Variants in ATXN7L1 observed in about 807,000 individuals in gnomAD.
ATXN7L1 encodes ataxin 7 like 1.
ATXN7L1 carries 15 observed loss-of-function variants against 70.8 expected under a neutral mutation model. The observed-to-expected ratio is 0.21, with a 90% CI of 0.14 to 0.33. The LOEUF is 0.33. Among genes scored for constraint, ATXN7L1 ranks in the 10% least tolerant of loss-of-function variants. The pLI, the probability that ATXN7L1 is intolerant of heterozygous loss-of-function variation, is 1.00. For synonymous variants in ATXN7L1, 440 were observed against 445.1 expected, an observed-to-expected ratio of 0.99 and a Z score of 0.14; for missense variants, 975 against 1,097.1, an observed-to-expected ratio of 0.89 and a Z score of 1.57.
At position 105,692,419 on chromosome 7, in the gene ATXN7L1, T is replaced by TTCCTTCCCTCCCTCCCTCCC. The variant is rs1563009874; in HGVS notation, c.356-27132_356-27131insGGGAGGGAGGGAGGGAAGGA. 3.3e-4 allele frequency among the ~76,000 whole-genome samples: 40 copies of TTCCTTCCCTCCCTCCCTCCC among 122,792 alleles called. 1 individual carries two copies. Among genetic ancestry groups the TTCCTTCCCTCCCTCCCTCCC allele is most frequent in the African/African-American group, 1.3e-3 (40 of 31,074 alleles). 80.6% of individuals were successfully genotyped at this position (122,792 alleles called of 152,430 possible). ...CTTCCTTCCTTCCTTCCTTCCTTCC[T>TTCCTTCCCTCCCTCCCTCCC]TCCTTCCTCCCTCCCTCCCTCCCTC... On this transcript the variant is annotated intron_variant, in intron 3 of 11. Transcript: ENST00000419735.
At chr7:105,761,543 T>C (rs1427024743) in intron 3 of ATXN7L1, 2 of 1,552,230 alleles carry the variant, frequency 1.3e-6, no homozygotes, top group Admixed American at 1.8e-5. Flanking sequence ...TGTAAATGAT[T>C]ACTCATGCCA....
In ATXN7L1 at chr7:105,788,653, G is replaced by A. The variant is rs780160170; in HGVS notation, c.306C>T (p.Cys102=). 41 of 1,614,042 alleles carry A rather than the reference G, an allele frequency of 2.5e-5. No homozygotes were observed. The highest frequency in any genetic ancestry group is 3.5e-5 in the Non-Finnish European group (41 of 1,179,934). ...PAHDDFYLVV[C]SACNQVVKPQ... Reference sequence around the variant, plus strand: ...GCTTGACGACCTGGTTACAGGCACTGCACACTACGAGATAGAAGTCGTCAT... The same window carrying A: ...GCTTGACGACCTGGTTACAGGCACTACACACTACGAGATAGAAGTCGTCAT... Residue 102 remains cysteine, a synonymous_variant, in exon 3 of 12, where the codon TGC becomes TGT. Transcript: ENST00000419735.
rs180861679 is a variant in ATXN7L1 at position 105,681,823 on chromosome 7, G to A, written c.356-16535C>T. ...ATGATTCCACTTACATGAGGTGCTC[G>A]AGATAGTCAAATTCATAGACAGAAT... On this transcript the variant is annotated intron_variant, in intron 3 of 11. Transcript: ENST00000419735. 1.5e-4 allele frequency among the ~76,000 whole-genome samples: 23 copies of A among 152,272 alleles called. 1 individual carries two copies. The highest frequency in any genetic ancestry group is 6.8e-3 in the Middle Eastern group (2 of 294).
chr7:105,708,551 T>C (rs775835806), intron 3 of ATXN7L1, among the ~76,000 whole-genome samples: 5 of 152,236 alleles, frequency 3.3e-5, no homozygotes, highest in Non-Finnish European at 7.3e-5. Flanking sequence ...TAAGATTTCA[T>C]TGGATAATTA....
intron 3 of ATXN7L1, among the ~76,000 whole-genome samples, chr7:105,753,811 A>C (rs896814845): frequency 6.6e-6 from 1 of 152,210 alleles, no homozygotes; most frequent in African/African-American, 2.4e-5. Context: ...TATGTTCACT[A>C]TTTATGGGAG....
intron 3 of ATXN7L1, among the ~76,000 whole-genome samples, chr7:105,733,681 C>CCATCCATCTATGCTTCCAT (rs1796966616): frequency 3.1e-4 from 2 of 6,458 alleles, no homozygotes; most frequent in Admixed American, 1.7e-3. Flanking sequence ...CATCCATCCA[C>CCATCCATCTATGCTTCCAT]CCATCCACCC....
chr7:105,619,522 ATATATATATTTTTTTTTTTTT>A lies in ATXN7L1; in HGVS notation c.1517+657_1517+677del, dbSNP rs1164791004. On this transcript the variant is annotated intron_variant, in intron 9 of 11. Coordinates refer to ENST00000419735, the MANE Select transcript of ATXN7L1 (RefSeq NM_020725.2). ...TATATATATATATATATATATATAT[ATATATATATTTTTTTTTTTTT>A]TTTTTTTTTTTTTTTTTTTTTTTTA... Among the ~76,000 whole-genome samples, 3 of 20,128 alleles carry A rather than the reference ATATATATATTTTTTTTTTTTT, an allele frequency of 1.5e-4. No individual in the cohort carries two copies. In the East Asian group the frequency reaches 4.2e-3, roughly 28 times the overall value. 13.2% of individuals were successfully genotyped at this position (20,128 alleles called of 152,430 possible). A position where few individuals can be genotyped will look rare whatever the true frequency, so the allele number is the denominator to read the frequency against.
At chr7:105,704,919 C>T (rs1792959275) in intron 3 of ATXN7L1, among the ~76,000 whole-genome samples, 1 of 152,018 alleles carries the variant, frequency 6.6e-6, no homozygotes, top group Non-Finnish European at 1.5e-5. Context: ...CCAAGACTTG[C>T]ACTCAGTTCT....
chr7:105,734,651 TA>T (rs1329582337), intron 3 of ATXN7L1, among the ~76,000 whole-genome samples: 1 of 151,910 alleles, frequency 6.6e-6, no homozygotes, highest in East Asian at 1.9e-4. Context: ...TTTTTTTTTT[TA>T]ACCTGGCTGG....
chr7:105,638,899 G>C (rs1201464911), intron 6 of ATXN7L1, among the ~76,000 whole-genome samples: 1 of 152,148 alleles, frequency 6.6e-6, no homozygotes, highest in East Asian at 1.9e-4. Context: ...AGGCAACTGC[G>C]AGGGAATGCT....
intron 2 of ATXN7L1, among the ~76,000 whole-genome samples, chr7:105,872,971 G>A (rs989829559): frequency 3.3e-5 from 5 of 152,044 alleles, no homozygotes; most frequent in South Asian, 2.1e-4. Flanking sequence ...TGGCTAACAC[G>A]GTGAAACCCC....
chr7:105,681,353 G>T (rs1481404931), intron 3 of ATXN7L1, among the ~76,000 whole-genome samples: 1 of 152,150 alleles, frequency 6.6e-6, no homozygotes, highest in Non-Finnish European at 1.5e-5. Context: ...TCACAGTGAG[G>T]TATCATTTCA....
chr7:105,841,014 G>A (rs1813126305), intron 2 of ATXN7L1, among the ~76,000 whole-genome samples: 1 of 152,210 alleles, frequency 6.6e-6, no homozygotes, highest in South Asian at 2.1e-4. Flanking sequence ...GTAAGGCCAG[G>A]ACAGATCACT....
chr7:105,628,445 A>G (rs1387580600), intron 7 of ATXN7L1, among the ~76,000 whole-genome samples: 1 of 152,038 alleles, frequency 6.6e-6, no homozygotes, highest in Non-Finnish European at 1.5e-5. Context: ...TTGGTATTTT[A>G]TTTTTCTTCG....
chr7:105,727,775 T>TACAC (rs1231586764), intron 3 of ATXN7L1, among the ~76,000 whole-genome samples: 5 of 115,426 alleles, frequency 4.3e-5, no homozygotes, highest in African/African-American at 1.4e-4. Context: ...TATATATATA[T>TACAC]ATACACACAC....
chr7:105,688,042 G>T (rs1790188827), intron 3 of ATXN7L1, among the ~76,000 whole-genome samples: 1 of 152,200 alleles, frequency 6.6e-6, no homozygotes, highest in African/African-American at 2.4e-5. Context: ...AACCAAGGTT[G>T]CGGAGTGTCC....
At chr7:105,706,002 G>A (rs1340210896) in intron 3 of ATXN7L1, among the ~76,000 whole-genome samples, 2 of 152,174 alleles carry the variant, frequency 1.3e-5, no homozygotes, top group Non-Finnish European at 2.9e-5. Context: ...CACTCCAAGT[G>A]TGTTAGATAA....
intron 3 of ATXN7L1, among the ~76,000 whole-genome samples, chr7:105,765,734 A>T (rs1407943993): frequency 6.6e-6 from 1 of 152,224 alleles, no homozygotes; most frequent in Non-Finnish European, 1.5e-5. Context: ...TACCATAGAT[A>T]ATGAAGAGCT....
intron 3 of ATXN7L1, chr7:105,691,494 C>G (rs1790828264): frequency 6.6e-6 from 1 of 151,806 alleles, no homozygotes. Context: ...CTATAAATAA[C>G]CTAGGATCAG....
Sources: allele counts gnomAD v4.1 joint callset (sites outside exome capture counted in the v4.1 genomes callset), GRCh38; gene constraint gnomAD v4.1.1; transcripts MANE v1.5; gene names NCBI Gene and HGNC (gene_info 2026-07-23, HGNC 2026-07-21).